Variants in MAN2A1 observed in about 807,000 individuals in gnomAD.
The protein encoded by MAN2A1 is mannosidase alpha class 2A member 1.
In MAN2A1, 76 loss-of-function variants were observed where a neutral mutation model predicts 142.6. That is an observed-to-expected ratio of 0.53 (90% confidence interval 0.44 to 0.65). The LOEUF (loss-of-function observed/expected upper bound fraction) is 0.65. MAN2A1 is among the 30% of genes least tolerant of loss of function. The pLI, the probability that MAN2A1 is intolerant of heterozygous loss-of-function variation, is 0.00. For synonymous variants in MAN2A1, 559 were observed against 473.2 expected (o/e 1.18, Z -2.35); for missense variants, 1,311 against 1,365.1 (o/e 0.96, Z 0.62).
Position 109,767,518 on chromosome 5 carries a change from A to T in MAN2A1, c.836-17A>T. ...ATATCAATTAAAAAAATTAACACTT[A>T]TCATCTTTATCCACAGGAGTGAAAC... On this transcript the variant is annotated splice_polypyrimidine_tract_variant and intron_variant, in intron 5 of 21. Coordinates refer to ENST00000261483, the MANE Select transcript of MAN2A1 (RefSeq NM_002372.4). The T allele has an allele frequency of 1.3e-6, 2 of 1,599,370 alleles. No homozygotes were observed. The highest frequency in any genetic ancestry group is 8.5e-7 in the Non-Finnish European group (1 of 1,174,886).
Position 109,762,452 on chromosome 5 carries a change from T to C in MAN2A1, c.836-5083T>C, listed in dbSNP as rs190673617. 1.4e-3 allele frequency among the ~76,000 whole-genome samples: 218 copies of C among 152,314 alleles called. 1 individual carries two copies. Among genetic ancestry groups the C allele is most frequent in the Middle Eastern group, 0.014 (4 of 294 alleles). ...ACATACATACATTTTGGCTCATTTGTTCTTTTTCTACAACGTGAAGGTGAG... is the reference window on the plus strand; with the variant it reads ...ACATACATACATTTTGGCTCATTTGCTCTTTTTCTACAACGTGAAGGTGAG... On this transcript the variant is annotated intron_variant, in intron 5 of 21. Coordinates refer to ENST00000261483, the MANE Select transcript of MAN2A1 (RefSeq NM_002372.4).
intron 3 of MAN2A1, among the ~76,000 whole-genome samples, chr5:109,717,447 G>A (rs944464734): frequency 1.3e-5 from 2 of 152,132 alleles, no homozygotes; most frequent in African/African-American, 4.8e-5. Flanking sequence ...GCACTGACAT[G>A]TAAAATATAT....
At chr5:109,692,895 G>T (rs956185997) in intron 1 of MAN2A1, among the ~76,000 whole-genome samples, 1 of 152,240 alleles carries the variant, frequency 6.6e-6, no homozygotes, top group African/African-American at 2.4e-5. Flanking sequence ...ATGCAGCCTA[G>T]ATCCCTGGCA....
chr5:109,760,321 T>G (rs975731883), intron 5 of MAN2A1, among the ~76,000 whole-genome samples: 33 of 152,226 alleles, frequency 2.2e-4, no homozygotes, highest in African/African-American at 8.0e-4. Flanking sequence ...AACTCATCCT[T>G]TTTATGGCTG....
intron 16 of MAN2A1, among the ~76,000 whole-genome samples, chr5:109,834,156 A>G (rs114861033): frequency 1.3e-5 from 2 of 152,330 alleles, no homozygotes; most frequent in Non-Finnish European, 2.9e-5. Flanking sequence ...GAAGTAGGTA[A>G]GTTCAGAGTA....
intron 4 of MAN2A1, among the ~76,000 whole-genome samples, chr5:109,744,429 A>G (rs973096926): frequency 2.6e-5 from 4 of 152,106 alleles, no homozygotes; most frequent in Non-Finnish European, 5.9e-5. Context: ...TGGGCCAGGG[A>G]TTAACAAGGG....
intron 1 of MAN2A1, among the ~76,000 whole-genome samples, chr5:109,700,842 C>G (rs1750959617): frequency 6.6e-6 from 1 of 152,140 alleles, no homozygotes; most frequent in Non-Finnish European, 1.5e-5. Context: ...ATACCCATAT[C>G]CAACATATAT....
chr5:109,852,675 C>A (rs1755514298), intron 19 of MAN2A1, among the ~76,000 whole-genome samples: 1 of 152,100 alleles, frequency 6.6e-6, no homozygotes, highest in Non-Finnish European at 1.5e-5. Flanking sequence ...AACCTTCCAA[C>A]CAACAAGAAA....
chr5:109,818,688 C>G (rs1754538558), intron 13 of MAN2A1, among the ~76,000 whole-genome samples: 1 of 151,876 alleles, frequency 6.6e-6, no homozygotes, highest in African/African-American at 2.4e-5. Context: ...GTTGTAAAGC[C>G]CTTACATTCA....
intron 1 of MAN2A1, among the ~76,000 whole-genome samples, chr5:109,694,316 C>A (rs1237054514): frequency 6.6e-6 from 1 of 151,400 alleles, no homozygotes; most frequent in East Asian, 1.9e-4. Flanking sequence ...GATTGAAAGC[C>A]ATTAGAAGGT....
intron 15 of MAN2A1, 110 bp from the exon 16 acceptor site, chr5:109,823,613 T>G: frequency 1.6e-6 from 1 of 620,910 alleles, no homozygotes; most frequent in Non-Finnish European, 2.8e-6. Context: ...CACTTAAAAT[T>G]GCAAATATCA....
chr5:109,741,474 TTG>T (rs1752265641), intron 4 of MAN2A1, among the ~76,000 whole-genome samples: 1 of 152,232 alleles, frequency 6.6e-6, no homozygotes, highest in African/African-American at 2.4e-5. Context: ...ATAGATTTTT[TTG>T]TGTGACTTCT....
chr5:109,824,472 G>A (rs533961934), intron 16 of MAN2A1, among the ~76,000 whole-genome samples: 1 of 152,230 alleles, frequency 6.6e-6, no homozygotes, highest in Non-Finnish European at 1.5e-5. Flanking sequence ...GCACATTTAG[G>A]TTGGTTGATT....
intron 8 of MAN2A1, among the ~76,000 whole-genome samples, chr5:109,779,234 C>T (rs1753380449): frequency 6.6e-6 from 1 of 152,114 alleles, no homozygotes; most frequent in Non-Finnish European, 1.5e-5. Flanking sequence ...TGCTCTGGGA[C>T]ATTGCCAAGA....
intron 16 of MAN2A1, among the ~76,000 whole-genome samples, chr5:109,834,522 T>A (rs370171622): frequency 5.9e-5 from 9 of 152,360 alleles, no homozygotes; most frequent in East Asian, 5.8e-4. Context: ...ATTGGTATAA[T>A]CTTTACCCAA....
chr5:109,770,060 A>G (rs1478270776), intron 6 of MAN2A1, among the ~76,000 whole-genome samples: 1 of 152,136 alleles, frequency 6.6e-6, no homozygotes, highest in East Asian at 1.9e-4. Context: ...TGTAACTTTT[A>G]CGGCTGCTCA....
intron 6 of MAN2A1, among the ~76,000 whole-genome samples, chr5:109,769,632 A>G (rs989433610): frequency 8.5e-5 from 13 of 152,190 alleles, no homozygotes; most frequent in African/African-American, 3.1e-4. Context: ...AGTTTTAATT[A>G]AAAGTAATTC....
At chr5:109,741,749 A>G (rs577135532) in intron 4 of MAN2A1, among the ~76,000 whole-genome samples, 3 of 152,212 alleles carry the variant, frequency 2.0e-5, no homozygotes, top group Non-Finnish European at 2.9e-5. Flanking sequence ...ATTCAACTCT[A>G]TAAGCTTTTA....
Position 109,691,731 on chromosome 5 carries a change from G to C in MAN2A1, c.135+1179G>C, listed in dbSNP as rs144748709. ...AGCACTCAACATGTTTTGTCGGTGA[G>C]AGGTTTTAAAAATCTTGCTGCAGAG... On this transcript the variant is annotated intron_variant, in intron 1 of 21. Coordinates refer to ENST00000261483, the MANE Select transcript of MAN2A1 (RefSeq NM_002372.4). 5.1e-4 allele frequency among the ~76,000 whole-genome samples: 78 copies of C among 152,272 alleles called. No individual in the cohort carries two copies. In the East Asian group the frequency reaches 0.013, roughly 26 times the overall value.
Sources: gnomAD v4.1 joint callset for allele counts (sites outside exome capture counted in the v4.1 genomes callset) on GRCh38, gnomAD v4.1.1 for gene constraint, MANE v1.5 for transcripts, NCBI Gene and HGNC (gene_info 2026-07-23, HGNC 2026-07-21) for gene names.